Variants in SLC22A15 observed in about 807,000 individuals in gnomAD.
SLC22A15 encodes flipt 1.
A neutral mutation model predicts 62.7 loss-of-function variants in SLC22A15; 45 were observed. That is an observed-to-expected ratio of 0.72 (90% CI 0.56 to 0.92). SLC22A15 has a LOEUF of 0.92. SLC22A15 is among the 40% of genes least tolerant of loss of function. The pLI, the probability that SLC22A15 is intolerant of heterozygous loss-of-function variation, is 0.00. For synonymous variants in SLC22A15, 264 were observed against 267.0 expected, an observed-to-expected ratio of 0.99 and a Z score of 0.11; for missense variants, 622 against 665.6, an observed-to-expected ratio of 0.93 and a Z score of 0.72.
At chr1:116,032,483 T>G in intron 6 of SLC22A15, 2 of 985,406 alleles carry the variant, frequency 2.0e-6, no homozygotes, top group Non-Finnish European at 2.4e-6. Flanking sequence ...GAAAGTGATT[T>G]TATATGAAAG....
At chr1:115,977,950 G>A (rs1428980251) in intron 1 of SLC22A15, among the ~76,000 whole-genome samples, 1 of 152,182 alleles carries the variant, frequency 6.6e-6, no homozygotes, top group African/African-American at 2.4e-5. Flanking sequence ...TAGCCGAACA[G>A]TTCTCAGCTC....
At position 115,998,483 on chromosome 1, in the gene SLC22A15, T is replaced by G. The variant is rs563578208; in HGVS notation, c.300+6240T>G. On this transcript the variant is annotated intron_variant, in intron 2 of 11. Transcript: ENST00000369503. ...ATCTGGTTACTTGTTATTGATCTAT[T>G]TAGGCTTTGGAGTTCTTCATGGCTC... Among the ~76,000 whole-genome samples, 5 of 152,298 alleles carry G rather than the reference T, an allele frequency of 3.3e-5. No individual in the cohort carries two copies. The South Asian group carries it at 1.0e-3, about 32-fold the overall frequency.
intron 2 of SLC22A15, among the ~76,000 whole-genome samples, chr1:116,015,712 G>C (rs879776814): frequency 2.3e-4 from 35 of 152,238 alleles, no homozygotes; most frequent in Admixed American, 2.3e-3. Flanking sequence ...TAAAGTTGCA[G>C]GCCAGATTTT....
intron 8 of SLC22A15, among the ~76,000 whole-genome samples, chr1:116,060,963 A>G (rs1360631756): frequency 6.6e-6 from 1 of 152,220 alleles, no homozygotes; most frequent in Non-Finnish European, 1.5e-5. Context: ...TTTATTTTAT[A>G]GTTAAGCAGG....
intron 2 of SLC22A15, among the ~76,000 whole-genome samples, chr1:115,995,349 T>G (rs940426565): frequency 2.0e-5 from 3 of 152,188 alleles, no homozygotes; most frequent in Non-Finnish European, 4.4e-5. Context: ...CCTCCTATGT[T>G]CAAGCAATTC....
At chr1:116,048,980 A>G (rs916750212) in intron 8 of SLC22A15, among the ~76,000 whole-genome samples, 1 of 152,208 alleles carries the variant, frequency 6.6e-6, no homozygotes, top group African/African-American at 2.4e-5. Flanking sequence ...AAACTAAAGC[A>G]ACAGTGGTTA....
At chr1:116,049,528 A>T (rs1658001692) in intron 8 of SLC22A15, among the ~76,000 whole-genome samples, 2 of 152,190 alleles carry the variant, frequency 1.3e-5, no homozygotes, top group African/African-American at 4.8e-5. Context: ...TCAAGATGGA[A>T]ATTAAAAAAT....
At chr1:116,062,638 T>C (rs1570777062) in intron 8 of SLC22A15, 124 bp from the exon 9 acceptor site, 1 of 1,090,852 alleles carries the variant, frequency 9.2e-7, no homozygotes, top group East Asian at 2.4e-5. Flanking sequence ...GTGTATTTGG[T>C]TACACTATCT....
At chr1:115,995,717 T>G (rs1328565370) in intron 2 of SLC22A15, among the ~76,000 whole-genome samples, 2 of 152,238 alleles carry the variant, frequency 1.3e-5, no homozygotes, top group Admixed American at 6.5e-5. Context: ...ATTCCTATTC[T>G]TTTCAATGAT....
intron 9 of SLC22A15, among the ~76,000 whole-genome samples, chr1:116,063,093 C>T (rs930946208): frequency 9.9e-5 from 15 of 152,138 alleles, no homozygotes; most frequent in Non-Finnish European, 1.5e-4. Context: ...GGACTGAATT[C>T]CTTAGTGTAA....
chr1:116,044,035 A>G (rs1038430030), intron 8 of SLC22A15, among the ~76,000 whole-genome samples: 9 of 152,340 alleles, frequency 5.9e-5, no homozygotes, highest in African/African-American at 2.2e-4. Context: ...AAGAAATAGC[A>G]TCAATTGTAC....
intron 8 of SLC22A15, among the ~76,000 whole-genome samples, chr1:116,048,962 G>A (rs1657991693): frequency 6.6e-6 from 1 of 152,160 alleles, no homozygotes; most frequent in Non-Finnish European, 1.5e-5. Context: ...TCTTATATCA[G>A]ACAAAACAAA....
intron 2 of SLC22A15, among the ~76,000 whole-genome samples, chr1:116,000,912 G>A (rs539972424): frequency 1.4e-4 from 22 of 152,148 alleles, no homozygotes; most frequent in East Asian, 9.7e-4. Flanking sequence ...GATTACAGGC[G>A]TGAGCCACCA....
intron 6 of SLC22A15, among the ~76,000 whole-genome samples, chr1:116,034,274 C>T (rs1657550847): frequency 1.3e-5 from 2 of 152,066 alleles, no homozygotes; most frequent in Non-Finnish European, 2.9e-5. Flanking sequence ...TATTTTTGTT[C>T]ATTCTATTCT....
At chr1:116,039,495 T>C (rs1035947956) in intron 8 of SLC22A15, among the ~76,000 whole-genome samples, 1 of 152,158 alleles carries the variant, frequency 6.6e-6, no homozygotes, top group Non-Finnish European at 1.5e-5. Context: ...ATGGTGCCAT[T>C]GTATTCCAGT....
chr1:115,983,413 C>G (rs1387218062), intron 1 of SLC22A15, among the ~76,000 whole-genome samples: 1 of 152,022 alleles, frequency 6.6e-6, no homozygotes. Context: ...AGCAGGACCC[C>G]TAGGATGGAG....
intron 2 of SLC22A15, among the ~76,000 whole-genome samples, chr1:116,018,330 A>G (rs968757395): frequency 9.9e-5 from 15 of 152,070 alleles, no homozygotes; most frequent in Non-Finnish European, 1.8e-4. Flanking sequence ...AGGTTGTAGC[A>G]TGAATCAGAA....
intron 8 of SLC22A15, among the ~76,000 whole-genome samples, chr1:116,045,657 T>A (rs1401328705): frequency 7.0e-6 from 1 of 142,320 alleles, no homozygotes; most frequent in Non-Finnish European, 1.5e-5. Context: ...GAGAATTGCT[T>A]GAACCCGGGG....
At position 116,007,047 on chromosome 1, in the gene SLC22A15, T is replaced by C. The variant is rs1194251662; in HGVS notation, c.301-12535T>C. ...CCTTGATTATAGTTATTGATAATTA[T>C]ACGTTTCTAAATACTTGGTACTTTC... On this transcript the variant is annotated intron_variant, in intron 2 of 11. Coordinates refer to ENST00000369503, the MANE Select transcript of SLC22A15 (RefSeq NM_018420.3). Among the ~76,000 whole-genome samples, 4 of 152,340 alleles carry C rather than the reference T, an allele frequency of 2.6e-5. No homozygotes were observed. The East Asian group carries it at 7.7e-4, about 29-fold the overall frequency.
Sources: allele counts gnomAD v4.1 joint callset (sites outside exome capture counted in the v4.1 genomes callset), GRCh38; gene constraint gnomAD v4.1.1; transcripts MANE v1.5; gene names NCBI Gene and HGNC (gene_info 2026-07-23, HGNC 2026-07-21).